Variants in MACROD1 observed in about 807,000 individuals in gnomAD.
The protein encoded by MACROD1 is ADP-ribose glycohydrolase MACROD1.
Under a neutral mutation model 41.4 loss-of-function variants are expected in MACROD1, and 31 were observed. The ratio of observed to expected loss-of-function variants is 0.75; its 90% CI spans 0.56 to 1.01. The LOEUF (loss-of-function observed/expected upper bound fraction) is 1.01, where lower values mean the gene tolerates loss of function less well. Ranked by LOEUF, MACROD1 falls within the 50% of genes least tolerant of loss-of-function variation. The pLI, the probability that MACROD1 is intolerant of heterozygous loss-of-function variation, is 0.00. For missense variants in MACROD1, 473 were observed against 460.0 expected (o/e 1.03, Z -0.26); for synonymous variants, 252 against 203.4 (o/e 1.24, Z -2.03).
intron 3 of MACROD1, among the ~76,000 whole-genome samples, chr11:64,135,668 C>T (rs956455007): frequency 1.3e-5 from 2 of 152,192 alleles, no homozygotes; most frequent in Non-Finnish European, 2.9e-5. Context: ...CAGGAGTCCT[C>T]GAGGGGCCCC....
chr11:64,069,813 G>A (rs919163591), intron 3 of MACROD1, among the ~76,000 whole-genome samples: 1 of 152,228 alleles, frequency 6.6e-6, no homozygotes, highest in Non-Finnish European at 1.5e-5. Context: ...AGACGCAACA[G>A]GCTTCTTATC....
At chr11:64,058,388 C>T (rs1943831633) in intron 3 of MACROD1, among the ~76,000 whole-genome samples, 1 of 152,096 alleles carries the variant, frequency 6.6e-6, no homozygotes, top group African/African-American at 2.4e-5. Context: ...CAGTCACCTG[C>T]AGGTGAGGAG....
At chr11:64,118,594 GTTT>G (rs10570373) in intron 3 of MACROD1, 16 of 241,154 alleles carry the variant, frequency 6.6e-5, no homozygotes, top group Non-Finnish European at 1.1e-4. Flanking sequence ...GCTGGGTTGG[GTTT>G]TTTTTTTTTC....
At chr11:64,129,947 G>T (rs1027683087) in intron 3 of MACROD1, among the ~76,000 whole-genome samples, 1 of 152,078 alleles carries the variant, frequency 6.6e-6, no homozygotes, top group East Asian at 1.9e-4. Flanking sequence ...TTGGGGGGCC[G>T]TGAGCCTCCC....
At chr11:64,068,583 G>A (rs554735115) in intron 3 of MACROD1, among the ~76,000 whole-genome samples, 9 of 152,344 alleles carry the variant, frequency 5.9e-5, no homozygotes, top group African/African-American at 1.9e-4. Context: ...CATTTGATTG[G>A]CAGATAAACT....
intron 3 of MACROD1, among the ~76,000 whole-genome samples, chr11:64,094,255 C>G (rs1024253528): frequency 1.3e-5 from 2 of 152,088 alleles, no homozygotes; most frequent in Non-Finnish European, 2.9e-5. Context: ...ACGGTAAAAC[C>G]ACGTCTCTAC....
chr11:64,061,873 CTTTTTTTTT>C (rs57666180), intron 3 of MACROD1, among the ~76,000 whole-genome samples: 1,695 of 99,164 alleles, frequency 0.017, 45 homozygotes, highest in African/African-American at 0.07. Context: ...ACCACGCTGG[CTTTTTTTTT>C]TTTTTTTTTT....
chr11:64,059,089 C>T (rs1312171759), intron 3 of MACROD1, among the ~76,000 whole-genome samples: 1 of 152,166 alleles, frequency 6.6e-6, no homozygotes, highest in Non-Finnish European at 1.5e-5. Context: ...CTGAGGCTCA[C>T]ATGGAAATTT....
intron 3 of MACROD1, among the ~76,000 whole-genome samples, chr11:64,112,197 C>A (rs1261282663): frequency 4.6e-5 from 7 of 152,114 alleles, no homozygotes; most frequent in Non-Finnish European, 7.4e-5. Flanking sequence ...GTAGAGCGTA[C>A]CTTCTAGTGG....
intron 3 of MACROD1, among the ~76,000 whole-genome samples, chr11:64,136,141 C>T (rs1945328746): frequency 6.6e-6 from 1 of 152,218 alleles, no homozygotes. Context: ...CCATCAGAGA[C>T]CAGAAAGCTC....
intron 3 of MACROD1, among the ~76,000 whole-genome samples, chr11:64,109,119 A>C (rs1192208181): frequency 2.6e-5 from 4 of 152,124 alleles, no homozygotes; most frequent in African/African-American, 9.7e-5. Context: ...CAGGTGAAAG[A>C]GGAGACGTGG....
At chr11:64,098,919 C>G (rs920325923) in intron 3 of MACROD1, among the ~76,000 whole-genome samples, 2 of 152,116 alleles carry the variant, frequency 1.3e-5, no homozygotes, top group Admixed American at 1.3e-4. Context: ...CCCAAAGAGC[C>G]AAAGGTTGAA....
chr11:64,143,045 T>A (rs1475718842), intron 3 of MACROD1, among the ~76,000 whole-genome samples: 1 of 124,384 alleles, frequency 8.0e-6, no homozygotes, highest in Admixed American at 1.1e-4. Context: ...CCCCAGGAGG[T>A]GGAGGCTGCA....
rs148484621 is a variant in MACROD1, at chr11:64,117,913, C to G, written c.517+33326G>C. ...CAGGAGCAGAACGCTGGCCCCATGG[C>G]GAGCCTGCCCCTGGCGGGCATCATC... On this transcript the variant is annotated intron_variant, in intron 3 of 10. Coordinates refer to ENST00000255681, the MANE Select transcript of MACROD1 (RefSeq NM_014067.4). 9.9e-6 allele frequency: 16 copies of G among 1,613,792 alleles called. No homozygotes were observed. The highest frequency in any genetic ancestry group is 1.3e-5 in the Non-Finnish European group (15 of 1,179,902).
At chr11:64,089,273 G>A (rs1457065935) in intron 3 of MACROD1, among the ~76,000 whole-genome samples, 1 of 152,196 alleles carries the variant, frequency 6.6e-6, no homozygotes, top group Non-Finnish European at 1.5e-5. Flanking sequence ...GCTTGGTGCT[G>A]CTGTTTACCA....
chr11:64,065,596 T>C (rs540673504), intron 3 of MACROD1, among the ~76,000 whole-genome samples: 89 of 150,710 alleles, frequency 5.9e-4, no homozygotes, highest in Admixed American at 2.8e-3. Flanking sequence ...AAGACCATCC[T>C]GGCTAACACG....
chr11:64,088,040 C>G (rs963724844), intron 3 of MACROD1, among the ~76,000 whole-genome samples: 2 of 152,176 alleles, frequency 1.3e-5, no homozygotes, highest in Non-Finnish European at 2.9e-5. Flanking sequence ...GCCCTGGTGG[C>G]CCTGTCACTG....
chr11:64,144,202 C>T (rs964934349), intron 3 of MACROD1, among the ~76,000 whole-genome samples: 3 of 152,166 alleles, frequency 2.0e-5, no homozygotes, highest in East Asian at 1.9e-4. Context: ...GCTCTTGCCC[C>T]GACTTCTGAC....
chr11:64,089,223 C>T (rs941893216), intron 3 of MACROD1, among the ~76,000 whole-genome samples: 7 of 152,228 alleles, frequency 4.6e-5, no homozygotes, highest in East Asian at 3.9e-4. Context: ...GGCATTGCAC[C>T]GCGGAGGTGA....
Sources: gnomAD v4.1 joint callset for allele counts (sites outside exome capture counted in the v4.1 genomes callset) on GRCh38, gnomAD v4.1.1 for gene constraint, MANE v1.5 for transcripts, NCBI Gene and HGNC (gene_info 2026-07-23, HGNC 2026-07-21) for gene names.